The following KIF15 variants were observed in gnomAD, a reference collection of about 807,000 sequenced individuals.
The protein encoded by KIF15 is kinesin family member 15.
A neutral mutation model predicts 190.6 loss-of-function variants in KIF15; 140 were observed. The ratio of observed to expected loss-of-function variants is 0.73; its 90% CI spans 0.64 to 0.84. The LOEUF (loss-of-function observed/expected upper bound fraction) is 0.84. KIF15 is among the 40% of genes least tolerant of loss of function. The pLI, the probability that KIF15 is intolerant of heterozygous loss-of-function variation, is 0.00. For synonymous variants in KIF15, 528 were observed against 551.3 expected (o/e 0.96, Z 0.59); for missense variants, 1,372 against 1,584.4 (o/e 0.87, Z 2.28).
chr3:44,839,297 C>G (rs915223189), intron 27 of KIF15, among the ~76,000 whole-genome samples: 1 of 151,478 alleles, frequency 6.6e-6, no homozygotes, highest in African/African-American at 2.4e-5. Flanking sequence ...GGTGTGAACC[C>G]GGGAGGCGGA....
Position 44,781,766 on chromosome 3 carries a change from T to C in KIF15, c.361+844T>C, listed in dbSNP as rs1027115220. ...ATAGTATTATCTTATTGTGTATTTA[T>C]TTCTATTGACAACTGAATACCTTTC... On this transcript the variant is annotated intron_variant, in intron 5 of 34. Coordinates refer to ENST00000326047, the MANE Select transcript of KIF15 (RefSeq NM_020242.3). Among the ~76,000 whole-genome samples the C allele has an allele frequency of 2.0e-5, 3 of 152,350 alleles. No individual in the cohort carries two copies. The East Asian group carries it at 5.8e-4, about 29-fold the overall frequency.
intron 20 of KIF15, among the ~76,000 whole-genome samples, chr3:44,823,952 C>T (rs1035639112): frequency 2.0e-5 from 3 of 152,318 alleles, no homozygotes; most frequent in South Asian, 2.1e-4. Context: ...GGAAATTCCC[C>T]GACCCCTTGC....
At chr3:44,861,898 G>C (rs1190563433) in intron 6 of KIF15, 1 of 1,487,718 alleles carries the variant, frequency 6.7e-7, no homozygotes, top group East Asian at 2.9e-5. Context: ...CGGGCAGCGG[G>C]TGCCAGGCAC....
chr3:44,850,237 G>A (rs987108243), intron 32 of KIF15, among the ~76,000 whole-genome samples: 4 of 152,258 alleles, frequency 2.6e-5, no homozygotes, highest in Admixed American at 1.3e-4. Flanking sequence ...TGATTCATTT[G>A]CTTCATAGAA....
At chr3:44,769,207 A>G (rs1176171716) in intron 1 of KIF15, among the ~76,000 whole-genome samples, 2 of 152,174 alleles carry the variant, frequency 1.3e-5, no homozygotes, top group Non-Finnish European at 2.9e-5. Context: ...GGGAAAAGGA[A>G]AAAAGAAGGT....
chr3:44,805,179 A>G lies in KIF15; in HGVS notation c.1829+11A>G, dbSNP rs369258161. 5.2e-5 allele frequency: 84 copies of G among 1,606,472 alleles called. No homozygotes were observed. Among genetic ancestry groups the G allele is most frequent in the Non-Finnish European group, 7.1e-5 (83 of 1,177,050 alleles). The stretch of plus-strand genomic sequence containing the variant: ...CAAAGAACTTACTAGGTAAAGTCTA[A>G]ATACACATGCATGCACACTTATTTT... On this transcript the variant is annotated intron_variant, in intron 15 of 34. Coordinates refer to ENST00000326047, the MANE Select transcript of KIF15 (RefSeq NM_020242.3).
At chr3:44,811,794 G>T (rs1707796782) in intron 17 of KIF15, among the ~76,000 whole-genome samples, 1 of 152,064 alleles carries the variant, frequency 6.6e-6, no homozygotes, top group Non-Finnish European at 1.5e-5. Context: ...GTAAAAGTTG[G>T]AGTGGGCCAG....
chr3:44,824,637 A>T (rs1209956961), intron 20 of KIF15, among the ~76,000 whole-genome samples: 2 of 152,188 alleles, frequency 1.3e-5, no homozygotes, highest in Non-Finnish European at 2.9e-5. Context: ...CACTAATCTC[A>T]TGGGATCTTA....
chr3:44,848,055 A>G lies in KIF15; in HGVS notation c.3766A>G (p.Lys1256Glu). The G allele has an allele frequency of 1.3e-6, 2 of 1,592,840 alleles. No homozygotes were observed. The highest frequency in any genetic ancestry group is 1.7e-6 in the Non-Finnish European group (2 of 1,162,650). ...AGAAAGTATCAAAGAAAGACTTGCA[A>G]AAGTAAGATTTTTTTTTATGTAATA... ...QEESIKERLA[K>E]SKIVEEMLKM... Residue 1256 changes from lysine (K) to glutamate (E), a missense_variant and splice_region_variant, in exon 31 of 35, where the codon AAA (lysine) becomes GAA (glutamate). By Grantham distance (56) the Lys-to-Glu change is moderately conservative (BLOSUM62 1). Coordinates refer to ENST00000326047, the MANE Select transcript of KIF15 (RefSeq NM_020242.3).
chr3:44,845,065 A>C (rs556664592), intron 30 of KIF15, among the ~76,000 whole-genome samples: 1 of 152,376 alleles, frequency 6.6e-6, no homozygotes, highest in South Asian at 2.1e-4. Flanking sequence ...TGAGTGAGGC[A>C]ATGGCAAAAA....
intron 16 of KIF15, among the ~76,000 whole-genome samples, chr3:44,808,769 G>T (rs1377029295): frequency 6.6e-6 from 1 of 152,124 alleles, no homozygotes; most frequent in East Asian, 1.9e-4. Context: ...AGGCTCAAGG[G>T]TTATGAGCCT....
In KIF15 at chr3:44,775,408, G is replaced by T; in HGVS notation, c.217G>T (p.Asp73Tyr). 6.2e-7 allele frequency: 1 copy of T among 1,612,536 alleles called. No homozygotes were observed. The change falls in exon 3 of 35, where the codon GAT becomes TAT. Residue 73 changes from aspartate (D) to tyrosine (Y), a missense_variant. Physicochemically the swap from Asp to Tyr is radical, Grantham distance 160. Transcript: ENST00000326047. ...SNPEPKTFTF[D>Y]HVADVDTTQE... Reference sequence around the variant, plus strand: ...CCCTGAGCCCAAGACCTTCACGTTTGATCATGTTGCAGATGTGGATACCAC... The same window carrying T: ...CCCTGAGCCCAAGACCTTCACGTTTTATCATGTTGCAGATGTGGATACCAC...
Position 44,801,011 on chromosome 3 carries a change from G to GTT in KIF15, c.1223-426_1223-425dup, listed in dbSNP as rs76564974. Among the ~76,000 whole-genome samples the GTT allele has an allele frequency of 2.6e-4, 36 of 140,570 alleles. 1 individual carries two copies. Among genetic ancestry groups the GTT allele is most frequent in the South Asian group, 2.1e-3 (9 of 4,382 alleles). 92.2% of individuals were successfully genotyped at this position (140,570 alleles called of 152,430 possible). ...GTGATCTAGTGATGACGGTCTCATTGTTTTTTTTTTTTTTGAGACGCAGTC... is the reference window on the plus strand; with the variant it reads ...GTGATCTAGTGATGACGGTCTCATTGTTTTTTTTTTTTTTTTGAGACGCAGTC... On this transcript the variant is annotated intron_variant, in intron 11 of 34. Transcript: ENST00000326047.
At chr3:44,819,567 C>G (rs1203588863) in intron 20 of KIF15, among the ~76,000 whole-genome samples, 1 of 152,190 alleles carries the variant, frequency 6.6e-6, no homozygotes, top group Non-Finnish European at 1.5e-5. Flanking sequence ...GAGTGAGTCT[C>G]TTAATCCTGA....
rs76024013 is a variant in KIF15 at position 44,828,794 on chromosome 3, T to G, written c.2943+494T>G. Among the ~76,000 whole-genome samples, 12 of 152,348 alleles carry G rather than the reference T, an allele frequency of 7.9e-5. No homozygotes were observed. In the East Asian group the frequency reaches 2.3e-3, roughly 29 times the overall value. On this transcript the variant is annotated intron_variant, in intron 24 of 34. Coordinates refer to ENST00000326047, the MANE Select transcript of KIF15 (RefSeq NM_020242.3). Reference sequence around the variant, plus strand: ...GGCTCACGCCTGTAATTCCAGCACTTTGGGAGGCCAAGGCAGGTGGATCAC... The same window carrying G: ...GGCTCACGCCTGTAATTCCAGCACTGTGGGAGGCCAAGGCAGGTGGATCAC...
chr3:44,821,024 G>A (rs1408144174), intron 20 of KIF15, among the ~76,000 whole-genome samples: 19 of 3,398 alleles, frequency 5.6e-3, no homozygotes, highest in Non-Finnish European at 0.01. Flanking sequence ...TGGCCGGGCG[G>A]GGGGGCTGAC....
At chr3:44,825,799 G>C (rs773272588) in intron 20 of KIF15, among the ~76,000 whole-genome samples, 5 of 152,162 alleles carry the variant, frequency 3.3e-5, no homozygotes, top group Admixed American at 6.5e-5. Context: ...AGTGATGCTT[G>C]CAAGCTAATG....
chr3:44,784,924 T>C lies in KIF15; in HGVS notation c.441T>C (p.Ile147=), dbSNP rs1337095059. The C allele has an allele frequency of 1.2e-5, 18 of 1,561,498 alleles. No individual in the cohort carries two copies. Among genetic ancestry groups the C allele is most frequent in the Non-Finnish European group, 1.6e-5 (18 of 1,142,480 alleles). The change falls in exon 6 of 35, where the codon ATT becomes ATC. Residue 147 remains isoleucine, a synonymous_variant. Coordinates refer to ENST00000326047, the MANE Select transcript of KIF15 (RefSeq NM_020242.3). ...PRSFEYLFSL[I]DREKEKAGAG... ...GTTTTGAATATTTGTTTTCCTTAAT[T>C]GATCGTGAAAAAGAAAAGGTAAAAC...
intron 13 of KIF15, 99 bp from the exon 14 acceptor site, chr3:44,802,715 G>T: frequency 8.5e-7 from 1 of 1,182,518 alleles, no homozygotes; most frequent in South Asian, 1.7e-5. Flanking sequence ...CACCAGTAGT[G>T]CATGTGCATA....
Sources: gnomAD v4.1 joint callset for allele counts (sites outside exome capture counted in the v4.1 genomes callset) on GRCh38, gnomAD v4.1.1 for gene constraint, MANE v1.5 for transcripts, NCBI Gene and HGNC (gene_info 2026-07-23, HGNC 2026-07-21) for gene names.